ITPRID2: variants seen among roughly 807,000 people sequenced by gnomAD.
ITPRID2 encodes ITPR interacting domain containing 2, also known as protein ITPRID2.
A neutral mutation model predicts 124.3 loss-of-function variants in ITPRID2; 60 were observed. The observed-to-expected ratio is 0.48, with a 90% CI of 0.39 to 0.60. The LOEUF is 0.60. Ranked by LOEUF, ITPRID2 falls within the 20% of genes least tolerant of loss-of-function variation. The pLI, the probability that ITPRID2 is intolerant of heterozygous loss-of-function variation, is 0.00. For missense variants in ITPRID2, 1,553 were observed against 1,512.2 expected, an observed-to-expected ratio of 1.03 and a Z score of -0.45; for synonymous variants, 521 against 542.9, an observed-to-expected ratio of 0.96 and a Z score of 0.56.
chr2:181,901,028 A>G, intron 7 of ITPRID2, 124 bp downstream of exon 7: 2 of 748,110 alleles, frequency 2.7e-6, no homozygotes, highest in Non-Finnish European at 4.1e-6. Context: ...GATTAACGCA[A>G]AAGCCATTTT....
intron 4 of ITPRID2, among the ~76,000 whole-genome samples, chr2:181,897,609 T>TTTTTTTTTTTTTTTTTTTTTTTGAG (rs1692307991): frequency 6.6e-6 from 1 of 151,932 alleles, no homozygotes; most frequent in African/African-American, 2.4e-5. Context: ...TTAATTATTT[T>TTTTTTTTTTTTTTTTTTTTTTTGAG]ACTGGTGTTT....
chr2:181,910,835 C>T lies in ITPRID2; in HGVS notation c.1486+864C>T, dbSNP rs539216704. Among the ~76,000 whole-genome samples, 4 of 152,242 alleles carry T rather than the reference C, an allele frequency of 2.6e-5. No individual in the cohort carries two copies. Among genetic ancestry groups the T allele is most frequent in the South Asian group, 4.2e-4 (2 of 4,818 alleles). Reference sequence around the variant, plus strand: ...AAGAAACAAGAGCTTCACTCTCACTCGGTCACTGCAGCTCTGGTTAGACTC... The same window carrying T: ...AAGAAACAAGAGCTTCACTCTCACTTGGTCACTGCAGCTCTGGTTAGACTC... On this transcript the variant is annotated intron_variant, in intron 9 of 17. Coordinates refer to ENST00000431877, the MANE Select transcript of ITPRID2 (RefSeq NM_001130445.3). The surrounding 1 kb of genome is among the most constrained non-coding windows in gnomAD (Gnocchi z 4.1).
rs1313625464 is a variant in ITPRID2, at chr2:181,913,842, T to C, written c.1487-3T>C. On this transcript the variant is annotated splice_region_variant and splice_polypyrimidine_tract_variant and intron_variant, in intron 9 of 17. Coordinates refer to ENST00000431877, the MANE Select transcript of ITPRID2 (RefSeq NM_001130445.3). The stretch of plus-strand genomic sequence containing the variant: ...TCTTATAGCCACATTTTTTTATTCA[T>C]AGATCATCTGTTACGTACTGCAAGT... 6.2e-7 allele frequency: 1 copy of C among 1,604,862 alleles called. No homozygotes were observed. The highest frequency in any genetic ancestry group is 1.3e-5 in the African/African-American group (1 of 74,494).
Position 181,905,145 on chromosome 2 carries a change from G to A in ITPRID2, c.1413+2679G>A, listed in dbSNP as rs182110884. On this transcript the variant is annotated intron_variant, in intron 8 of 17. Coordinates refer to ENST00000431877, the MANE Select transcript of ITPRID2 (RefSeq NM_001130445.3). The surrounding 1 kb of genome is among the most constrained non-coding windows in gnomAD (Gnocchi z 4.1). The stretch of plus-strand genomic sequence containing the variant: ...GCTAACTGCAACGTCTGCCTCCTGG[G>A]TTCATGTAATTCTCCTGCCTCAGCT... Among the ~76,000 whole-genome samples the A allele has an allele frequency of 8.7e-4, 132 of 151,660 alleles. No homozygotes were observed. The highest frequency in any genetic ancestry group is 1.7e-3 in the Non-Finnish European group (116 of 67,918).
chr2:181,906,221 T>C (rs1229411668), intron 8 of ITPRID2, among the ~76,000 whole-genome samples: 2 of 152,208 alleles, frequency 1.3e-5, no homozygotes, highest in Non-Finnish European at 2.9e-5. Flanking sequence ...TATTGTTTTA[T>C]AGCAGTGGTT....
At chr2:181,898,969 G>T in intron 5 of ITPRID2, 45 bp from the exon 6 acceptor site, 1 of 1,594,304 alleles carries the variant, frequency 6.3e-7, no homozygotes, top group Non-Finnish European at 8.6e-7. Context: ...GACCTTTAAT[G>T]AAAATAAAGT....
rs1236116729 is a variant in ITPRID2, at chr2:181,896,774, G to A, written c.308-134G>A. On this transcript the variant is annotated intron_variant, in intron 3 of 17. Transcript: ENST00000431877. This position sits in a 1 kb window ranked among gnomAD's most constrained non-coding sequence, Gnocchi z 4.3. ...CTTGAAGTTATATAATCAGAATAAT[G>A]TCTGAGTACATTCAAGTCTGAAAGA... The A allele has an allele frequency of 4.2e-6, 3 of 709,256 alleles. No homozygotes were observed. Among genetic ancestry groups the A allele is most frequent in the Non-Finnish European group, 7.5e-6 (3 of 397,582 alleles). The allele number at this position is 709,256 out of a possible 1,614,324, so 43.9% of individuals were successfully genotyped here.
At chr2:181,927,513 A>G (rs758533861) in intron 16 of ITPRID2, among the ~76,000 whole-genome samples, 1 of 152,138 alleles carries the variant, frequency 6.6e-6, no homozygotes, top group African/African-American at 2.4e-5. Flanking sequence ...CTCATATCCT[A>G]TATGCATATT....
Position 181,892,177 on chromosome 2 carries a change from G to A in ITPRID2, c.111G>A (p.Ser37=). 1 of 1,553,632 alleles carries A rather than the reference G, an allele frequency of 6.4e-7. No homozygotes were observed. The highest frequency in any genetic ancestry group is 8.7e-7 in the Non-Finnish European group (1 of 1,148,502). The change falls in exon 1 of 18, where the codon TCG becomes TCA. Residue 37 remains serine, a synonymous_variant. Coordinates refer to ENST00000431877, the MANE Select transcript of ITPRID2 (RefSeq NM_001130445.3). The surrounding 1 kb of genome is among the most constrained non-coding windows in gnomAD (Gnocchi z 5.2). ...WAKCRSSWQA[S]ETEDLSTEAT... ...AGTGCCGCAGCTCCTGGCAAGCGTC[G>A]GAGACGGAGGATCTGTCCACAGAAG...
At chr2:181,912,478 T>C (rs1396765452) in intron 9 of ITPRID2, among the ~76,000 whole-genome samples, 1 of 152,224 alleles carries the variant, frequency 6.6e-6, no homozygotes, top group Non-Finnish European at 1.5e-5. Context: ...CAAAATGATA[T>C]TACAAAATTA....
chr2:181,895,716 A>G (rs1353040616), intron 2 of ITPRID2, among the ~76,000 whole-genome samples: 1 of 151,948 alleles, frequency 6.6e-6, no homozygotes, highest in Non-Finnish European at 1.5e-5. Context: ...CTTAATGCTT[A>G]TTGTCAGTCA....
intron 2 of ITPRID2, 122 bp from the exon 3 acceptor site, chr2:181,895,908 G>A (rs1284868399): frequency 1.9e-5 from 15 of 769,234 alleles, no homozygotes; most frequent in Non-Finnish European, 2.7e-5. Flanking sequence ...TGTGTTTTTG[G>A]AGGAGAGTTT....
Position 181,892,621 on chromosome 2 carries a change from T to C in ITPRID2, c.218T>C (p.Val73Ala). 1 of 1,614,134 alleles carries C rather than the reference T, an allele frequency of 6.2e-7. No individual in the cohort carries two copies. Among genetic ancestry groups the C allele is most frequent in the Non-Finnish European group, 8.5e-7 (1 of 1,180,006 alleles). ...CCCCTCTCTCTACCCCCAGGAAACG[T>C]GCCCAACGAGAAGATCGCGATATGG... is the stretch of plus-strand genomic sequence containing the variant. ...QLPAAGGRGN[V>A]PNEKIAIWLK... is the part of the protein sequence containing the mutation. Residue 73 changes from valine (V) to alanine (A), a missense_variant, in exon 2 of 18, where the codon GTG becomes GCG. Physicochemically the swap from Val to Ala is moderately conservative, Grantham distance 64 (BLOSUM62 0). Coordinates refer to ENST00000431877, the MANE Select transcript of ITPRID2 (RefSeq NM_001130445.3). The surrounding 1 kb of genome is among the most constrained non-coding windows in gnomAD (Gnocchi z 5.2).
intron 10 of ITPRID2, 32 bp from the exon 11 acceptor site, chr2:181,915,184 T>G: frequency 6.3e-7 from 1 of 1,592,110 alleles, no homozygotes; most frequent in Non-Finnish European, 8.5e-7. Context: ...TTACATATAT[T>G]CTTCATCTTT....
intron 8 of ITPRID2, among the ~76,000 whole-genome samples, chr2:181,909,011 A>C (rs916663956): frequency 6.6e-6 from 1 of 152,176 alleles, no homozygotes; most frequent in Admixed American, 6.5e-5. Flanking sequence ...GTTGACATAG[A>C]GTTAATTATG....
chr2:181,915,259 G>T lies in ITPRID2; in HGVS notation c.1619G>T (p.Cys540Phe), dbSNP rs1404067687. The change falls in exon 11 of 18, where the codon TGT (cysteine) becomes TTT (phenylalanine). Residue 540 changes from cysteine (C) to phenylalanine (F), a missense_variant. Transcript: ENST00000431877. Reference sequence around the variant, plus strand: ...GCTATGGGGAGTAGTGCTGATAGTTGTGACAGTGAGACAACAGTTACGTCA... The same window carrying T: ...GCTATGGGGAGTAGTGCTGATAGTTTTGACAGTGAGACAACAGTTACGTCA... Reference protein sequence around the residue: ...LQAMGSSADSCDSETTVTSLG... With the variant: ...LQAMGSSADSFDSETTVTSLG... The T allele has an allele frequency of 1.2e-6, 2 of 1,614,140 alleles. No individual in the cohort carries two copies. The highest frequency in any genetic ancestry group is 1.7e-6 in the Non-Finnish European group (2 of 1,180,016).
In ITPRID2 at chr2:181,896,152, A is replaced by G. The variant is rs1053436875; in HGVS notation, c.307+73A>G. 18 of 1,295,510 alleles carry G rather than the reference A, an allele frequency of 1.4e-5. No individual in the cohort carries two copies. The Admixed American group carries it at 2.3e-4, about 17-fold the overall frequency. 80.3% of individuals were successfully genotyped at this position (1,295,510 alleles called of 1,614,324 possible). On this transcript the variant is annotated intron_variant, in intron 3 of 17. Transcript: ENST00000431877. This position sits in a 1 kb window ranked among gnomAD's most constrained non-coding sequence, Gnocchi z 4.3. ...TTCTTTGTCCTCTGGGTAAAAGTGTATATATGACTTATAAAAGTGATATTC... is the reference window on the plus strand; with the variant it reads ...TTCTTTGTCCTCTGGGTAAAAGTGTGTATATGACTTATAAAAGTGATATTC...
Position 181,929,627 on chromosome 2 carries a change from A to T in ITPRID2, c.*80A>T, listed in dbSNP as rs201386501. The T allele has an allele frequency of 1.9e-6, 3 of 1,612,670 alleles. No individual in the cohort carries two copies. The highest frequency in any genetic ancestry group is 2.5e-6 in the Non-Finnish European group (3 of 1,179,248). ...AATGATATGCACTGGTGGAGGTGTTATTTGTGCTTTAGAAGATACTTGCTG... is the reference window on the plus strand; with the variant it reads ...AATGATATGCACTGGTGGAGGTGTTTTTTGTGCTTTAGAAGATACTTGCTG... On this transcript the variant is annotated 3_prime_UTR_variant, in exon 18 of 18. Transcript: ENST00000431877.
chr2:181,903,503 C>G (rs947557196), intron 8 of ITPRID2, among the ~76,000 whole-genome samples: 4 of 152,100 alleles, frequency 2.6e-5, no homozygotes, highest in African/African-American at 9.7e-5. Flanking sequence ...GTGAGTGTCT[C>G]TCTCTCTTGC....
Sources: allele counts gnomAD v4.1 joint callset (sites outside exome capture counted in the v4.1 genomes callset), GRCh38; gene constraint gnomAD v4.1.1; non-coding constraint Gnocchi (gnomAD v3.1); transcripts MANE v1.5; gene names NCBI Gene and HGNC (gene_info 2026-07-23, HGNC 2026-07-21).